Variants in HMCN2 observed in about 807,000 individuals in gnomAD.
The protein encoded by HMCN2 is hemicentin 2, also known as hemicentin-2.
A neutral mutation model predicts 377.5 loss-of-function variants in HMCN2; 325 were observed. That is an observed-to-expected ratio of 0.86 (90% confidence interval 0.79 to 0.94). HMCN2 has a LOEUF of 0.94. Ranked by LOEUF, HMCN2 falls within the 40% of genes least tolerant of loss-of-function variation. The pLI, the probability that HMCN2 is intolerant of heterozygous loss-of-function variation, is 0.00. For missense variants in HMCN2, 4,543 were observed against 4,725.3 expected, an observed-to-expected ratio of 0.96 and a Z score of 1.13; for synonymous variants, 2,007 against 2,046.8, an observed-to-expected ratio of 0.98 and a Z score of 0.53.
At chr9:130,298,080 G>A (rs1005245991) in intron 7 of HMCN2, among the ~76,000 whole-genome samples, 3 of 152,014 alleles carry the variant, frequency 2.0e-5, no homozygotes, top group Non-Finnish European at 2.9e-5. Flanking sequence ...TCAGCCTCCC[G>A]AGCAGCTGGG....
At chr9:130,312,408 A>G (rs1417701035) in intron 15 of HMCN2, among the ~76,000 whole-genome samples, 7 of 151,162 alleles carry the variant, frequency 4.6e-5, no homozygotes, top group African/African-American at 1.7e-4. Flanking sequence ...TTGTGTTGTG[A>G]TGGGCATTGT....
chr9:130,274,359 G>A (rs1554922281), intron 1 of HMCN2, among the ~76,000 whole-genome samples: 1 of 152,116 alleles, frequency 6.6e-6, no homozygotes, highest in African/African-American at 2.4e-5. Context: ...CCTGGCCAAT[G>A]CGTTAATTTT....
Position 130,358,387 on chromosome 9 carries a change from C to T in HMCN2, c.5581-3C>T. The T allele has an allele frequency of 7.7e-7, 1 of 1,304,266 alleles. No individual in the cohort carries two copies. The highest frequency in any genetic ancestry group is 1.2e-5 in the South Asian group (1 of 81,022). 80.8% of individuals were successfully genotyped at this position (1,304,266 alleles called of 1,614,324 possible). On this transcript the variant is annotated splice_region_variant and splice_polypyrimidine_tract_variant and intron_variant, in intron 35 of 97. Transcript: ENST00000683500. ...GGCATACTCTCTGCCCCCTCCCCTC[C>T]AGATTGAGAAGGTGGACCTGAGGGA...
At position 130,344,456 on chromosome 9, in the gene HMCN2, TG is replaced by T. The variant is rs1274893600; in HGVS notation, c.3829+2022del. Among the ~76,000 whole-genome samples, 10 of 151,204 alleles carry T rather than the reference TG, an allele frequency of 6.6e-5. No individual in the cohort carries two copies. In the South Asian group the frequency reaches 1.0e-3, roughly 16 times the overall value. On this transcript the variant is annotated intron_variant, in intron 25 of 97. Coordinates refer to ENST00000683500, the MANE Select transcript of HMCN2 (RefSeq NM_001291815.2). ...GTGTGTGGTCTATATATATGGTGTT[TG>T]GTGTATGTTGTGTGTGTGGTGTGCA...
chr9:130,378,585 G>A (rs1588348173), intron 53 of HMCN2, among the ~76,000 whole-genome samples: 1 of 147,954 alleles, frequency 6.8e-6, no homozygotes, highest in Non-Finnish European at 1.5e-5. Flanking sequence ...CTAGAATGGG[G>A]AGGCGGGGAG....
intron 1 of HMCN2, among the ~76,000 whole-genome samples, chr9:130,270,051 T>C (rs1157951178): frequency 6.7e-6 from 1 of 148,194 alleles, no homozygotes; most frequent in African/African-American, 2.4e-5. Flanking sequence ...CCTCAAGTGA[T>C]CCACTCACCT....
In HMCN2 at chr9:130,401,010, G is replaced by A. The variant is rs923229333; in HGVS notation, c.11770+63G>A. 1.7e-5 allele frequency: 21 copies of A among 1,222,882 alleles called. No individual in the cohort carries two copies. In the African/African-American group the frequency reaches 3.0e-4, roughly 17 times the overall value. The allele number at this position is 1,222,882 out of a possible 1,614,324, so 75.8% of individuals were successfully genotyped here. ...GGAGACTGGGAGAGCAGGCAGAGGG[G>A]GTGAAAGGTCACATGGCGGAATAGG... On this transcript the variant is annotated intron_variant, in intron 77 of 97. Transcript: ENST00000683500.
In HMCN2 at chr9:130,344,512, TGTGTGTGGTGTGTA is replaced by T. The variant is rs1424214128; in HGVS notation, c.3829+2091_3829+2104del. On this transcript the variant is annotated intron_variant, in intron 25 of 97. Transcript: ENST00000683500. ...GTTTGTGTGTGGTGTATGTATGTGG[TGTGTGTGGTGTGTA>T]GTGTGTGGTGTGTATGTGGTATGTG... Among the ~76,000 whole-genome samples, 4 of 151,044 alleles carry T rather than the reference TGTGTGTGGTGTGTA, an allele frequency of 2.6e-5. No homozygotes were observed. In the South Asian group the frequency reaches 6.3e-4, roughly 24 times the overall value.
rs575327785 is a variant in HMCN2 at position 130,282,744 on chromosome 9, T to G, written c.260-1859T>G. On this transcript the variant is annotated intron_variant, in intron 1 of 97. Transcript: ENST00000683500. Reference sequence around the variant, plus strand: ...AAAGTTTGTTTACAGCAACTGGAATTTAGAATTCCTGAACTAAAAATAGTC... The same window carrying G: ...AAAGTTTGTTTACAGCAACTGGAATGTAGAATTCCTGAACTAAAAATAGTC... 2.6e-5 allele frequency among the ~76,000 whole-genome samples: 4 copies of G among 152,326 alleles called. No homozygotes were observed. The East Asian group carries it at 7.7e-4, about 29-fold the overall frequency.
intron 21 of HMCN2, among the ~76,000 whole-genome samples, chr9:130,326,326 G>A (rs1237736751): frequency 2.0e-5 from 3 of 152,012 alleles, no homozygotes; most frequent in Non-Finnish European, 4.4e-5. Context: ...TCACCTTGCT[G>A]TAAACTGTGG....
At chr9:130,275,384 C>T (rs1030452100) in intron 1 of HMCN2, among the ~76,000 whole-genome samples, 3 of 152,216 alleles carry the variant, frequency 2.0e-5, no homozygotes, top group Non-Finnish European at 2.9e-5. Flanking sequence ...ACTCTGGTTG[C>T]ATGTTCCGGG....
At position 130,358,414 on chromosome 9, in the gene HMCN2, G is replaced by C; in HGVS notation, c.5605G>C (p.Glu1869Gln). The change falls in exon 36 of 98, where the codon GAG (glutamate) becomes CAG (glutamine). Residue 1869 changes from glutamate (E) to glutamine (Q), a missense_variant. By Grantham distance (29) the Glu-to-Gln change is conservative. Around this residue, in one of 5 missense-constraint regions of HMCN2, gnomAD observed 1,032 missense variants for 1,285.1 expected, o/e 0.80. Coordinates refer to ENST00000683500, the MANE Select transcript of HMCN2 (RefSeq NM_001291815.2). ...LQIEKVDLRD[E>Q]GIYTCAATNL... is the part of the protein sequence containing the mutation. Reference sequence around the variant, plus strand: ...GATTGAGAAGGTGGACCTGAGGGACGAGGGCATCTACACTTGTGCTGCTAC... The same window carrying C: ...GATTGAGAAGGTGGACCTGAGGGACCAGGGCATCTACACTTGTGCTGCTAC... The C allele has an allele frequency of 2.3e-6, 3 of 1,304,140 alleles. No individual in the cohort carries two copies. Among genetic ancestry groups the C allele is most frequent in the Non-Finnish European group, 3.0e-6 (3 of 988,892 alleles). The allele number at this position is 1,304,140 out of a possible 1,614,324, so 80.8% of individuals were successfully genotyped here.
rs998285122 is a variant in HMCN2 at position 130,303,560 on chromosome 9, G to A, written c.1495G>A (p.Val499Ile). The change falls in exon 10 of 98, where the codon GTC (valine) becomes ATC (isoleucine). Residue 499 changes from valine (V) to isoleucine (I), a missense_variant. This residue lies in a region of HMCN2 where 547 missense variants were observed against 189.9 expected (regional missense o/e 2.88). Transcript: ENST00000683500. This position sits in a 1 kb window ranked among gnomAD's most constrained non-coding sequence, Gnocchi z 5.2. ...AEEGTYECTAVSRAGTGRAKA... is the reference protein window; with the variant it reads ...AEEGTYECTAISRAGTGRAKA... ...GGAGGGCACGTACGAGTGCACAGCC[G>A]TCAGCAGGGCTGGGACCGGGCGAGC... 9.2e-5 allele frequency: 36 copies of A among 392,636 alleles called. No individual in the cohort carries two copies. Among genetic ancestry groups the A allele is most frequent in the African/African-American group, 6.6e-4 (31 of 47,172 alleles). 24.3% of individuals were successfully genotyped at this position (392,636 alleles called of 1,614,324 possible).
chr9:130,302,448 G>A (rs1836568420), intron 8 of HMCN2, among the ~76,000 whole-genome samples: 1 of 152,158 alleles, frequency 6.6e-6, no homozygotes, highest in South Asian at 2.1e-4. Flanking sequence ...CATACCCCTG[G>A]GGAGCCTAAT....
intron 85 of HMCN2, among the ~76,000 whole-genome samples, chr9:130,413,824 A>G (rs1339745304): frequency 6.6e-6 from 1 of 152,062 alleles, no homozygotes; most frequent in Non-Finnish European, 1.5e-5. Context: ...TAGGAAAGGG[A>G]CAGCATAGTA....
intron 54 of HMCN2, among the ~76,000 whole-genome samples, chr9:130,381,107 T>C (rs1016198091): frequency 1.3e-5 from 2 of 152,132 alleles, no homozygotes; most frequent in African/African-American, 2.4e-5. Flanking sequence ...TGTTCTCTAA[T>C]CCTGAGAAAA....
At chr9:130,399,875 A>G (rs1223248733) in intron 76 of HMCN2, among the ~76,000 whole-genome samples, 3 of 152,052 alleles carry the variant, frequency 2.0e-5, no homozygotes, top group Non-Finnish European at 2.9e-5. Context: ...TTCTAAACTC[A>G]AATCTGACCT....
chr9:130,304,969 G>T lies in HMCN2; in HGVS notation c.1783G>T (p.Val595Phe), dbSNP rs1554936164. ...GTGTGTGGCCAGCAATGCCAATGGG[G>T]TCACAAGGGCATCCGTCTGGCTCCT... is the stretch of plus-strand genomic sequence containing the variant. ...YQCVASNANG[V>F]TRASVWLLVR... The change falls in exon 11 of 98, where the codon GTC (valine) becomes TTC (phenylalanine). Residue 595 changes from valine (V) to phenylalanine (F), a missense_variant. Around this residue, in one of 5 missense-constraint regions of HMCN2, gnomAD observed 547 missense variants for 189.9 expected, o/e 2.88. Coordinates refer to ENST00000683500, the MANE Select transcript of HMCN2 (RefSeq NM_001291815.2). This position sits in a 1 kb window ranked among gnomAD's most constrained non-coding sequence, Gnocchi z 4.3. 3.0e-5 allele frequency: 14 copies of T among 470,954 alleles called. No individual in the cohort carries two copies. The highest frequency in any genetic ancestry group is 5.7e-5 in the Non-Finnish European group (13 of 227,006). 29.2% of individuals were successfully genotyped at this position (470,954 alleles called of 1,614,324 possible).
intron 54 of HMCN2, among the ~76,000 whole-genome samples, chr9:130,380,325 C>T (rs866738325): frequency 1.2e-4 from 19 of 152,170 alleles, no homozygotes; most frequent in South Asian, 6.2e-4. Flanking sequence ...TAGAAATGCC[C>T]GGCCCACCTG....
Sources: gnomAD v4.1 joint callset for allele counts (sites outside exome capture counted in the v4.1 genomes callset) on GRCh38, gnomAD v4.1.1 for gene constraint, gnomAD v4.1.1 regional missense constraint, Gnocchi (gnomAD v3.1) non-coding constraint, MANE v1.5 for transcripts, NCBI Gene and HGNC (gene_info 2026-07-23, HGNC 2026-07-21) for gene names.